The following MYH15 variants were observed in gnomAD, a reference collection of about 807,000 sequenced individuals.
MYH15 encodes the protein myosin-15.
MYH15 carries 227 observed loss-of-function variants against 240.5 expected under a neutral mutation model. The ratio of observed to expected loss-of-function variants is 0.94; its 90% CI spans 0.85 to 1.05. The LOEUF (loss-of-function observed/expected upper bound fraction) is 1.05. MYH15 is among the 50% of genes least tolerant of loss of function. MYH15 has a pLI of 0.00. For missense variants in MYH15, 2,217 were observed against 2,247.5 expected, an observed-to-expected ratio of 0.99 and a Z score of 0.27; for synonymous variants, 785 against 796.7, an observed-to-expected ratio of 0.99 and a Z score of 0.25.
At chr3:108,426,994 G>A (rs1448868761) in intron 27 of MYH15, among the ~76,000 whole-genome samples, 5 of 152,116 alleles carry the variant, frequency 3.3e-5, no homozygotes, top group Non-Finnish European at 7.4e-5. Flanking sequence ...TCTGTTTTTC[G>A]GAATGGGAAT....
intron 25 of MYH15, among the ~76,000 whole-genome samples, chr3:108,437,083 T>A (rs2082844549): frequency 6.6e-6 from 1 of 152,098 alleles, no homozygotes; most frequent in African/African-American, 2.4e-5. Context: ...AATATTTATA[T>A]AGTAAATTAT....
At chr3:108,443,866 T>A (rs575272038) in intron 22 of MYH15, among the ~76,000 whole-genome samples, 4 of 140,412 alleles carry the variant, frequency 2.8e-5, no homozygotes, top group East Asian at 4.0e-4. Context: ...CATCTTTATT[T>A]TTTTTTTTTT....
Position 108,459,443 on chromosome 3 carries a change from G to A in MYH15, c.1939C>T (p.Leu647=), listed in dbSNP as rs774696158. 10 of 1,598,098 alleles carry A rather than the reference G, an allele frequency of 6.3e-6. No homozygotes were observed. The Admixed American group carries it at 8.8e-5, about 14-fold the overall frequency. The change falls in exon 18 of 41, where the codon CTG becomes TTG. Residue 647 remains leucine, a synonymous_variant. Coordinates refer to ENST00000693548, the MANE Select transcript of MYH15 (RefSeq NM_014981.3). ...TTCAGATTAGTCATCAATTTATTCA[G>A]GTTTTCCTAAAATGGAGACCATAAT... The part of the protein sequence containing the change: ...QTVASLHKEN[L]NKLMTNLKST...
At chr3:108,430,071 A>T (rs1046534565) in intron 26 of MYH15, among the ~76,000 whole-genome samples, 1 of 152,228 alleles carries the variant, frequency 6.6e-6, no homozygotes, top group African/African-American at 2.4e-5. Context: ...GACAAGCCCA[A>T]TGAATATGAT....
intron 25 of MYH15, among the ~76,000 whole-genome samples, chr3:108,432,648 G>A (rs981909084): frequency 6.6e-6 from 1 of 152,156 alleles, no homozygotes; most frequent in Non-Finnish European, 1.5e-5. Context: ...TGCAGCCTAG[G>A]GACTTGGTGC....
chr3:108,464,189 G>A (rs1030852106), intron 15 of MYH15, among the ~76,000 whole-genome samples: 5 of 152,150 alleles, frequency 3.3e-5, no homozygotes, highest in Non-Finnish European at 7.4e-5. Context: ...AGGAAATGAG[G>A]AGAGGTAGCA....
In MYH15 at chr3:108,429,641, C is replaced by A. The variant is rs181287960; in HGVS notation, c.3313-760G>T. On this transcript the variant is annotated intron_variant, in intron 26 of 40. Transcript: ENST00000693548. ...GAAGCCACTGATGTTATTATCATCA[C>A]CTTAAGTAATTAGGCATAGATTAGG... Among the ~76,000 whole-genome samples, 4 of 152,166 alleles carry A rather than the reference C, an allele frequency of 2.6e-5. No homozygotes were observed. In the East Asian group the frequency reaches 7.7e-4, roughly 29 times the overall value.
chr3:108,449,829 T>A (rs2082958333), intron 21 of MYH15, among the ~76,000 whole-genome samples: 1 of 151,856 alleles, frequency 6.6e-6, no homozygotes, highest in Non-Finnish European at 1.5e-5. Context: ...AAACTATACA[T>A]GAAATAAAGG....
In MYH15 at chr3:108,439,874, C is replaced by G; in HGVS notation, c.2938G>C (p.Asp980His). The change falls in exon 24 of 41, where the codon GAT (aspartate) becomes CAT (histidine). Residue 980 changes from aspartate (D) to histidine (H), a missense_variant. Coordinates refer to ENST00000693548, the MANE Select transcript of MYH15 (RefSeq NM_014981.3). ...GCTGCTCTGTTAAGTTTGCTGATAT[C>G]CTCATTTAGAAACTCTACTTCCTCA... Reference protein sequence around the residue: ...LTEEVEFLNEDISKLNRAAKV... With the variant: ...LTEEVEFLNEHISKLNRAAKV... 1 of 1,609,092 alleles carries G rather than the reference C, an allele frequency of 6.2e-7. No homozygotes were observed. The highest frequency in any genetic ancestry group is 1.7e-4 in the Middle Eastern group (1 of 6,022).
the MYH15 span, among the ~76,000 whole-genome samples, chr3:108,544,532 G>A: frequency 6.6e-6 from 1 of 152,114 alleles, no homozygotes; most frequent in African/African-American, 2.4e-5. Context: ...CAGTAGCTCA[G>A]GGATAGCAGC....
intron 28 of MYH15, among the ~76,000 whole-genome samples, chr3:108,417,320 G>A (rs1413257539): frequency 6.6e-6 from 1 of 152,124 alleles, no homozygotes; most frequent in Non-Finnish European, 1.5e-5. Context: ...GACTGAAACA[G>A]AAACATACAC....
intron 24 of MYH15, 108 bp downstream of exon 24, chr3:108,439,629 A>G: frequency 9.9e-7 from 1 of 1,011,866 alleles, no homozygotes; most frequent in South Asian, 2.6e-5. Context: ...AAAACAAACT[A>G]TGCTACTAGG....
chr3:108,394,152 G>A lies in MYH15; in HGVS notation c.5138C>T (p.Thr1713Ile). The A allele has an allele frequency of 6.2e-7, 1 of 1,613,974 alleles. No homozygotes were observed. Among genetic ancestry groups the A allele is most frequent in the Non-Finnish European group, 8.5e-7 (1 of 1,179,932 alleles). ...TTTCTTCTTCTGGCTGAGGAGGCTT[G>A]TGTTCTAAAGAAAAGCAGCATTCCT... The part of the protein sequence containing the change: ...ERINLFYTQN[T>I]SLLSQKKKLE... The change falls in exon 36 of 41, where the codon ACA (threonine) becomes ATA (isoleucine). Residue 1713 changes from threonine to isoleucine, a missense_variant. Thr to Ile is a moderately conservative substitution (Grantham distance 89). Coordinates refer to ENST00000693548, the MANE Select transcript of MYH15 (RefSeq NM_014981.3).
chr3:108,488,945 T>G (rs1576265191), intron 9 of MYH15, among the ~76,000 whole-genome samples: 1 of 151,844 alleles, frequency 6.6e-6, no homozygotes, highest in South Asian at 2.1e-4. Flanking sequence ...TGCCAACATT[T>G]GTTATCTCTT....
Position 108,517,498 on chromosome 3 carries a change from A to G in MYH15, c.-57-6911T>C, listed in dbSNP as rs149041190. On this transcript the variant is annotated intron_variant, in intron 1 of 41. Transcript: ENST00000273353. The stretch of plus-strand genomic sequence containing the variant: ...CAGGTGCCCAACACCATGAATGGCT[A>G]ATTTTTGTATTTTTAGTAGGAATGG... Among the ~76,000 whole-genome samples the G allele has an allele frequency of 4.6e-3, 705 of 152,138 alleles. 3 individuals carry two copies. Among genetic ancestry groups the G allele is most frequent in the African/African-American group, 0.016 (645 of 41,482 alleles).
At position 108,493,121 on chromosome 3, in the gene MYH15, A is replaced by C; in HGVS notation, c.768T>G (p.Ile256Met). 6.2e-7 allele frequency: 1 copy of C among 1,614,092 alleles called. No individual in the cohort carries two copies. Among genetic ancestry groups the C allele is most frequent in the Non-Finnish European group, 8.5e-7 (1 of 1,179,930 alleles). The change falls in exon 8 of 41, where the codon ATT becomes ATG. Residue 256 changes from isoleucine (I) to methionine (M), a missense_variant. Coordinates refer to ENST00000693548, the MANE Select transcript of MYH15 (RefSeq NM_014981.3). ...AGTGCAATGACTACTTACAGATATC[A>C]ATGTCCACAGATGACAGCATGCCTC... ...GARGMLSSVD[I>M]DIYLLEKSRV...
the MYH15 span, chr3:108,549,722 T>C: frequency 1.3e-5 from 2 of 152,032 alleles, no homozygotes; most frequent in South Asian, 2.1e-4. Context: ...CTGGACATCA[T>C]AGAACACTGT....
At chr3:108,398,871 G>C in intron 34 of MYH15, 31 bp from the exon 35 acceptor site, 1 of 1,602,692 alleles carries the variant, frequency 6.2e-7, no homozygotes. Flanking sequence ...CTGGAGTACA[G>C]ATCCCTCTGA....
At chr3:108,452,293 T>C (rs980922646) in intron 21 of MYH15, among the ~76,000 whole-genome samples, 2 of 152,140 alleles carry the variant, frequency 1.3e-5, no homozygotes, top group Admixed American at 6.5e-5. Flanking sequence ...CACAAATTGT[T>C]ATCAGAAAAT....
Sources: gnomAD v4.1 joint callset for allele counts (sites outside exome capture counted in the v4.1 genomes callset) on GRCh38, gnomAD v4.1.1 for gene constraint, MANE v1.5 for transcripts, NCBI Gene and HGNC (gene_info 2026-07-23, HGNC 2026-07-21) for gene names.